Variants in CTBS observed in about 807,000 individuals in gnomAD.
The protein encoded by CTBS is chitobiase.
CTBS carries 35 observed loss-of-function variants against 44.3 expected under a neutral mutation model. That is an observed-to-expected ratio of 0.79 (90% confidence interval 0.60 to 1.05). The LOEUF (loss-of-function observed/expected upper bound fraction) is 1.05, where lower values mean the gene tolerates loss of function less well. Ranked by LOEUF, CTBS falls within the 50% of genes least tolerant of loss-of-function variation. The pLI, the probability that CTBS is intolerant of heterozygous loss-of-function variation, is 0.00. For missense variants in CTBS, 458 were observed against 475.3 expected, an observed-to-expected ratio of 0.96 and a Z score of 0.34; for synonymous variants, 143 against 168.0, an observed-to-expected ratio of 0.85 and a Z score of 1.15.
chr1:84,563,686 A>T (rs778867094), intron 5 of CTBS, 49 bp downstream of exon 5: 1 of 1,141,190 alleles, frequency 8.8e-7, no homozygotes, highest in Non-Finnish European at 1.2e-6. Flanking sequence ...GAGAGACTCT[A>T]AAAAATATAA....
Position 84,553,927 on chromosome 1 carries a change from T to A in CTBS, c.*1072A>T, listed in dbSNP as rs1684350649. 1 of 152,290 alleles carries A rather than the reference T, an allele frequency of 6.6e-6. No individual in the cohort carries two copies. Among genetic ancestry groups the A allele is most frequent in the East Asian group, 1.9e-4 (1 of 5,180 alleles). The allele number at this position is 152,290 out of a possible 1,614,324, so 9.4% of individuals were successfully genotyped here. A position where few individuals can be genotyped will look rare whatever the true frequency, so the allele number is the denominator to read the frequency against. ...CAGACTTTATTACATTTAGAAAACT[T>A]ATTTGTATAAAATTGATCTTTTAGA... is the stretch of plus-strand genomic sequence containing the variant. On this transcript the variant is annotated 3_prime_UTR_variant, in exon 7 of 7. Coordinates refer to ENST00000370630, the MANE Select transcript of CTBS (RefSeq NM_004388.3).
chr1:84,566,464 G>C (rs534739000), intron 3 of CTBS, among the ~76,000 whole-genome samples: 1 of 152,194 alleles, frequency 6.6e-6, no homozygotes, highest in Non-Finnish European at 1.5e-5. Context: ...TGGGTTGGGA[G>C]TTTCAGCCTG....
chr1:84,563,890 T>C (rs1428609331), intron 4 of CTBS, 58 bp from the exon 5 acceptor site: 25 of 1,546,234 alleles, frequency 1.6e-5, no homozygotes, highest in Middle Eastern at 3.5e-4. Flanking sequence ...AATGTGTTCA[T>C]ACAAGCTATG....
At chr1:84,560,598 T>C (rs540952886) in intron 6 of CTBS, among the ~76,000 whole-genome samples, 6 of 152,290 alleles carry the variant, frequency 3.9e-5, no homozygotes, top group African/African-American at 9.6e-5. Context: ...AAATCTTATA[T>C]TGGAAGAAGA....
At chr1:84,556,613 G>A (rs934309457) in intron 6 of CTBS, among the ~76,000 whole-genome samples, 1 of 151,068 alleles carries the variant, frequency 6.6e-6, no homozygotes, top group Non-Finnish European at 1.5e-5. Context: ...TCTCGAGGCT[G>A]AGGCAGGAGA....
chr1:84,570,491 A>G (rs1647271256), intron 2 of CTBS, 91 bp downstream of exon 2: 3 of 1,114,090 alleles, frequency 2.7e-6, no homozygotes, highest in Non-Finnish European at 3.9e-6. Flanking sequence ...ACAGATAAAC[A>G]TAAAAGGACT....
Position 84,552,619 on chromosome 1 carries a change from T to C in CTBS, c.*2380A>G, listed in dbSNP as rs1040828548. The C allele has an allele frequency of 6.5e-6, 1 of 154,752 alleles. No individual in the cohort carries two copies. The highest frequency in any genetic ancestry group is 2.4e-5 in the African/African-American group (1 of 41,464). The allele number at this position is 154,752 out of a possible 1,614,324, so 9.6% of individuals were successfully genotyped here. ...TGCTTGCCACAGAGTAAACACTATA[T>C]TTCTGAAATATCTATTCCGTTCCTA... On this transcript the variant is annotated 3_prime_UTR_variant, in exon 7 of 7. Coordinates refer to ENST00000370630, the MANE Select transcript of CTBS (RefSeq NM_004388.3).
intron 1 of CTBS, 23 bp downstream of exon 1, chr1:84,574,216 G>C: frequency 6.2e-7 from 1 of 1,600,546 alleles, no homozygotes; most frequent in Non-Finnish European, 8.5e-7. Context: ...CCCAGACCTA[G>C]AGGAGCAGAG....
Position 84,550,341 on chromosome 1 carries a change from T to A in CTBS, c.*4658A>T. ...TTATTTTCATGATTTACTCTTTTGA[T>A]CTTTATCATTTCATAGTTTATGTTC... On this transcript the variant is annotated 3_prime_UTR_variant, in exon 7 of 7. Transcript: ENST00000370630. 1 of 561,636 alleles carries A rather than the reference T, an allele frequency of 1.8e-6. No homozygotes were observed. The highest frequency in any genetic ancestry group is 2.8e-6 in the Non-Finnish European group (1 of 351,618). 34.8% of individuals were successfully genotyped at this position (561,636 alleles called of 1,614,324 possible). A position where few individuals can be genotyped will look rare whatever the true frequency, so the allele number is the denominator to read the frequency against.
At chr1:84,559,271 T>G (rs1273440304) in intron 6 of CTBS, among the ~76,000 whole-genome samples, 1 of 152,208 alleles carries the variant, frequency 6.6e-6, no homozygotes, top group Non-Finnish European at 1.5e-5. Flanking sequence ...TCAGTGGTCT[T>G]TGATGCTACT....
rs1006645011 is a variant in CTBS at position 84,569,833 on chromosome 1, T to C, written c.525+98A>G. 27 of 1,080,258 alleles carry C rather than the reference T, an allele frequency of 2.5e-5. No homozygotes were observed. In the Admixed American group the frequency reaches 3.5e-4, roughly 14 times the overall value. The allele number at this position is 1,080,258 out of a possible 1,614,324, so 66.9% of individuals were successfully genotyped here. A position where few individuals can be genotyped will look rare whatever the true frequency, so the allele number is the denominator to read the frequency against. On this transcript the variant is annotated intron_variant, in intron 3 of 6. Transcript: ENST00000370630. ...AAATAAGTGCTGAAACTCTTTCCCA[T>C]TGCATTACTATAAAACAAAGATTAT...
chr1:84,566,072 T>G (rs546607565), intron 3 of CTBS, 60 bp from the exon 4 acceptor site: 14 of 1,072,098 alleles, frequency 1.3e-5, no homozygotes, highest in Middle Eastern at 3.2e-4. Context: ...TTACGTCAGA[T>G]TTTTAAAATT....
intron 6 of CTBS, among the ~76,000 whole-genome samples, chr1:84,562,281 C>T (rs958845147): frequency 7.2e-5 from 11 of 152,134 alleles, no homozygotes; most frequent in African/African-American, 2.7e-4. Context: ...TAACAGTTCC[C>T]AGGACAGACT....
In CTBS at chr1:84,554,626, G is replaced by A. The variant is rs1192821965; in HGVS notation, c.*373C>T. The A allele has an allele frequency of 1.8e-5, 3 of 166,008 alleles. No homozygotes were observed. Among genetic ancestry groups the A allele is most frequent in the African/African-American group, 2.4e-5 (1 of 41,558 alleles). The allele number at this position is 166,008 out of a possible 1,614,324, so 10.3% of individuals were successfully genotyped here. On this transcript the variant is annotated 3_prime_UTR_variant, in exon 7 of 7. Coordinates refer to ENST00000370630, the MANE Select transcript of CTBS (RefSeq NM_004388.3). ...AAGACTAGGTTTTTAAAAACTCTAA[G>A]CAAACAATTTCCACTTCAGATTATA...
Position 84,551,064 on chromosome 1 carries a change from C to T in CTBS, c.*3935G>A. ...TTGTATAGCAGATGCTTAGTAGAGG[C>T]TTCTGGGCATGCTCTATTTGGTGAG... On this transcript the variant is annotated 3_prime_UTR_variant, in exon 7 of 7. Transcript: ENST00000370630. 1 of 985,212 alleles carries T rather than the reference C, an allele frequency of 1.0e-6. No individual in the cohort carries two copies. The highest frequency in any genetic ancestry group is 1.2e-6 in the Non-Finnish European group (1 of 829,860). 61.0% of individuals were successfully genotyped at this position (985,212 alleles called of 1,614,324 possible). A position where few individuals can be genotyped will look rare whatever the true frequency, so the allele number is the denominator to read the frequency against.
rs374923690 is a variant in CTBS, at chr1:84,569,971, T to C, written c.485A>G (p.Glu162Gly). Residue 162 changes from glutamate (E) to glycine (G), a missense_variant, in exon 3 of 7, where the codon GAA becomes GGA. Coordinates refer to ENST00000370630, the MANE Select transcript of CTBS (RefSeq NM_004388.3). ...TTCACGATGGAAAGAGTCTGTAGTT[T>C]CTTTGACTAAAGCAGTTAATGCATC... ...EYDALTALVK[E>G]TTDSFHREIE... 21 of 1,612,324 alleles carry C rather than the reference T, an allele frequency of 1.3e-5. No individual in the cohort carries two copies. Among genetic ancestry groups the C allele is most frequent in the Non-Finnish European group, 1.8e-5 (21 of 1,179,682 alleles).
intron 1 of CTBS, among the ~76,000 whole-genome samples, chr1:84,573,437 C>G (rs1647373499): frequency 6.6e-6 from 1 of 152,206 alleles, no homozygotes; most frequent in African/African-American, 2.4e-5. Context: ...TAGGCAGGTT[C>G]TCCATAAACA....
In CTBS at chr1:84,553,085, A is replaced by G; in HGVS notation, c.*1914T>C. The G allele has an allele frequency of 6.5e-7, 1 of 1,529,314 alleles. No homozygotes were observed. Among genetic ancestry groups the G allele is most frequent in the Non-Finnish European group, 8.8e-7 (1 of 1,139,294 alleles). 94.7% of individuals were successfully genotyped at this position (1,529,314 alleles called of 1,614,324 possible). ...TACGAACATTGAAAACTGAACTGGC[A>G]CAGAAAAAAAAAATAATACATCTCT... On this transcript the variant is annotated 3_prime_UTR_variant, in exon 7 of 7. Transcript: ENST00000370630.
Position 84,552,732 on chromosome 1 carries a change from A to C in CTBS, c.*2267T>G, listed in dbSNP as rs375491056. 8 of 202,790 alleles carry C rather than the reference A, an allele frequency of 3.9e-5. No individual in the cohort carries two copies. Among genetic ancestry groups the C allele is most frequent in the African/African-American group, 1.8e-4 (8 of 43,470 alleles). 12.6% of individuals were successfully genotyped at this position (202,790 alleles called of 1,614,324 possible). A position where few individuals can be genotyped will look rare whatever the true frequency, so the allele number is the denominator to read the frequency against. ...ACACATTGAGAACAACAGGTTTTGA[A>C]GTTTAAGCAAAACATAAAATTCTTT... On this transcript the variant is annotated 3_prime_UTR_variant, in exon 7 of 7. Coordinates refer to ENST00000370630, the MANE Select transcript of CTBS (RefSeq NM_004388.3).
Sources: allele counts gnomAD v4.1 joint callset (sites outside exome capture counted in the v4.1 genomes callset), GRCh38; gene constraint gnomAD v4.1.1; transcripts MANE v1.5; gene names NCBI Gene and HGNC (gene_info 2026-07-23, HGNC 2026-07-21).